Variants in SLIT2 observed in about 807,000 individuals in gnomAD.
SLIT2 encodes the protein slit guidance ligand 2.
A neutral mutation model predicts 185.7 loss-of-function variants in SLIT2; 41 were observed. That is an observed-to-expected ratio of 0.22 (90% CI 0.17 to 0.29). SLIT2 has a LOEUF of 0.29. SLIT2 is among the 10% of genes least tolerant of loss of function. The probability of loss-of-function intolerance (pLI) is 1.00; values close to 1 mark genes in which losing one functional copy is unlikely to be tolerated. For missense variants in SLIT2, 1,571 were observed against 1,909.0 expected (o/e 0.82, Z 3.30); for synonymous variants, 693 against 680.2 (o/e 1.02, Z -0.29).
rs147457738 is a variant in SLIT2 at position 20,562,745 on chromosome 4, G to A, written c.2726-4517G>A. On this transcript the variant is annotated intron_variant, in intron 26 of 36. Coordinates refer to ENST00000504154, the MANE Select transcript of SLIT2 (RefSeq NM_004787.4). ...GCCATAATGTAATTGCAAGTGGAGC[G>A]TAAAAGCATTGGTTTTAAATAAAAA... 4.4e-3 allele frequency among the ~76,000 whole-genome samples: 661 copies of A among 151,840 alleles called. 16 individuals carry two copies. The highest frequency in any genetic ancestry group is 0.015 in the African/African-American group (620 of 41,384).
intron 29 of SLIT2, among the ~76,000 whole-genome samples, chr4:20,573,998 A>G (rs1055016710): frequency 1.3e-5 from 2 of 149,716 alleles, no homozygotes; most frequent in Admixed American, 6.7e-5. Context: ...TCTGTCACCC[A>G]GGCTGGAGTG....
At chr4:20,345,831 G>A (rs1721365253) in intron 4 of SLIT2, among the ~76,000 whole-genome samples, 1 of 151,920 alleles carries the variant, frequency 6.6e-6, no homozygotes, top group Non-Finnish European at 1.5e-5. Flanking sequence ...CCCACGTCTG[G>A]CCTGAAATAC....
intron 4 of SLIT2, among the ~76,000 whole-genome samples, chr4:20,456,563 C>T (rs770382601): frequency 6.6e-6 from 1 of 152,136 alleles, no homozygotes; most frequent in Non-Finnish European, 1.5e-5. Context: ...TCTTTACTCA[C>T]ATATGCATGG....
chr4:20,283,116 G>A (rs920139311), intron 4 of SLIT2, among the ~76,000 whole-genome samples: 29 of 119,722 alleles, frequency 2.4e-4, no homozygotes, highest in African/African-American at 8.1e-4. Flanking sequence ...CTGTGTGCGC[G>A]CGCGCACACA....
At chr4:20,453,188 T>C (rs1329520680) in intron 4 of SLIT2, among the ~76,000 whole-genome samples, 1 of 152,242 alleles carries the variant, frequency 6.6e-6, no homozygotes. Flanking sequence ...TATCCTTCTT[T>C]GTAATTCAGA....
chr4:20,365,011 A>G (rs1723001972), intron 4 of SLIT2, among the ~76,000 whole-genome samples: 1 of 152,022 alleles, frequency 6.6e-6, no homozygotes, highest in Non-Finnish European at 1.5e-5. Flanking sequence ...CAGATTATCC[A>G]CAGTCTAGTC....
rs1356588571 is a variant in SLIT2, at chr4:20,361,041, G to A, written c.395+92160G>A. Among the ~76,000 whole-genome samples, 5 of 152,070 alleles carry A rather than the reference G, an allele frequency of 3.3e-5. No homozygotes were observed. In the East Asian group the frequency reaches 9.6e-4, roughly 29 times the overall value. ...AGAGCTGATTAACAAATTATAATCA[G>A]CATGTTCAATATTTGATATTTCATT... On this transcript the variant is annotated intron_variant, in intron 4 of 36. Coordinates refer to ENST00000504154, the MANE Select transcript of SLIT2 (RefSeq NM_004787.4).
intron 26 of SLIT2, among the ~76,000 whole-genome samples, chr4:20,564,923 T>C (rs981325328): frequency 3.3e-5 from 5 of 151,956 alleles, no homozygotes; most frequent in African/African-American, 1.2e-4. Context: ...AGAAATTAGA[T>C]AGTGATTATT....
At chr4:20,468,389 ATG>A in intron 5 of SLIT2, among the ~76,000 whole-genome samples, 1 of 152,180 alleles carries the variant, frequency 6.6e-6, no homozygotes, top group Non-Finnish European at 1.5e-5. Flanking sequence ...TGACAAAATT[ATG>A]TCTTTCCCTT....
intron 4 of SLIT2, among the ~76,000 whole-genome samples, chr4:20,367,643 T>G (rs1415412953): frequency 1.3e-5 from 2 of 152,108 alleles, no homozygotes; most frequent in Non-Finnish European, 2.9e-5. Context: ...AGTGAAAGAT[T>G]TTAGCATTTA....
chr4:20,369,606 C>T (rs904672010), intron 4 of SLIT2, among the ~76,000 whole-genome samples: 13 of 152,080 alleles, frequency 8.5e-5, no homozygotes, highest in African/African-American at 2.7e-4. Flanking sequence ...TGTCCTTCCT[C>T]TTGGCATGTT....
At chr4:20,434,958 CCATATTATTCATTATTTATAGAATTATT>C (rs780670900) in intron 4 of SLIT2, among the ~76,000 whole-genome samples, 24 of 152,102 alleles carry the variant, frequency 1.6e-4, no homozygotes, top group Non-Finnish European at 3.2e-4. Flanking sequence ...GAGAATATTT[CCATATTATTCATTATTTATAGAATTATT>C]AATTTAGTTA....
rs1370165220 is a variant in SLIT2 at position 20,548,551 on chromosome 4, C to T, written c.2409C>T (p.Leu803=). 1 of 1,598,654 alleles carries T rather than the reference C, an allele frequency of 6.3e-7. No homozygotes were observed. Among genetic ancestry groups the T allele is most frequent in the East Asian group, 2.2e-5 (1 of 44,784 alleles). The change falls in exon 23 of 37, where the codon CTC becomes CTT. Residue 803 remains leucine (L), a synonymous_variant. Coordinates refer to ENST00000504154, the MANE Select transcript of SLIT2 (RefSeq NM_004787.4). ...AGAGCTTCAGCAACATGACCCAGCTCCTCACCTTGTGAGTGTGAAAGTGTG... is the reference window on the plus strand; with the variant it reads ...AGAGCTTCAGCAACATGACCCAGCTTCTCACCTTGTGAGTGTGAAAGTGTG... ...SNQSFSNMTQ[L]LTLILSYNRL...
chr4:20,508,323 A>C (rs918566786), intron 9 of SLIT2, among the ~76,000 whole-genome samples: 3 of 152,066 alleles, frequency 2.0e-5, no homozygotes, highest in African/African-American at 7.2e-5. Context: ...AAAGGATTTA[A>C]AAGGAGGCCA....
intron 4 of SLIT2, among the ~76,000 whole-genome samples, chr4:20,417,457 T>TATATATATATATATATATATATAC (rs919072867): frequency 2.8e-5 from 4 of 145,012 alleles, no homozygotes; most frequent in African/African-American, 7.5e-5. Flanking sequence ...TATATATATA[T>TATATATATATATATATATATATAC]ACGTATATAT....
rs114667390 is a variant in SLIT2 at position 20,304,303 on chromosome 4, T to C, written c.395+35422T>C. ...AAAACGAAAGAAAGGAAGGAAAAAA[T>C]AAGGTAAGAGAGAACTAAAAATTGG... On this transcript the variant is annotated intron_variant, in intron 4 of 36. Coordinates refer to ENST00000504154, the MANE Select transcript of SLIT2 (RefSeq NM_004787.4). Among the ~76,000 whole-genome samples, 858 of 151,898 alleles carry C rather than the reference T, an allele frequency of 5.6e-3. 8 individuals carry two copies. The highest frequency in any genetic ancestry group is 0.02 in the African/African-American group (814 of 41,390).
At chr4:20,617,393 T>C in intron 35 of SLIT2, 46 bp from the exon 36 acceptor site, 1 of 1,549,686 alleles carries the variant, frequency 6.5e-7, no homozygotes, top group Non-Finnish European at 8.9e-7. Context: ...CATTCTTACC[T>C]CCTCTTCTGA....
chr4:20,592,473 C>T (rs772183775), intron 30 of SLIT2, among the ~76,000 whole-genome samples: 6 of 151,942 alleles, frequency 3.9e-5, no homozygotes, highest in Non-Finnish European at 8.8e-5. Flanking sequence ...ATTTTTCTTT[C>T]TGTTTTGAAA....
chr4:20,515,614 C>G (rs1290164865), intron 11 of SLIT2, among the ~76,000 whole-genome samples: 2 of 152,152 alleles, frequency 1.3e-5, no homozygotes, highest in Non-Finnish European at 2.9e-5. Flanking sequence ...GTTTTGTCCT[C>G]TGCTTTATCT....
Sources: allele counts gnomAD v4.1 joint callset (sites outside exome capture counted in the v4.1 genomes callset), GRCh38; gene constraint gnomAD v4.1.1; transcripts MANE v1.5; gene names NCBI Gene and HGNC (gene_info 2026-07-23, HGNC 2026-07-21).